PCDHGA10: variants seen among roughly 807,000 people sequenced by gnomAD.
PCDHGA10 encodes protocadherin gamma-A10.
A neutral mutation model predicts 59.5 loss-of-function variants in PCDHGA10; 42 were observed. The observed-to-expected ratio is 0.71, with a 90% CI of 0.55 to 0.91. The LOEUF is 0.91. Among genes scored for constraint, PCDHGA10 ranks in the 40% least tolerant of loss-of-function variants. PCDHGA10 has a pLI of 0.00. For synonymous variants in PCDHGA10, 511 were observed against 517.2 expected, an observed-to-expected ratio of 0.99 and a Z score of 0.16; for missense variants, 1,111 against 1,198.2, an observed-to-expected ratio of 0.93 and a Z score of 1.07.
At chr5:141,420,094 G>A in intron 1 of PCDHGA10, 7 of 1,614,058 alleles carry the variant, frequency 4.3e-6, no homozygotes, top group Non-Finnish European at 5.9e-6. Flanking sequence ...ACTACAGTGA[G>A]GGAACGTTGC....
At chr5:141,429,091 T>A (rs985605582) in intron 1 of PCDHGA10, 2 of 152,160 alleles carry the variant, frequency 1.3e-5, no homozygotes, top group African/African-American at 4.8e-5. Flanking sequence ...CCTGACCTCG[T>A]GATCTGCCCG....
At chr5:141,448,200 T>C (rs2098574351) in intron 1 of PCDHGA10, among the ~76,000 whole-genome samples, 1 of 152,156 alleles carries the variant, frequency 6.6e-6, no homozygotes, top group Non-Finnish European at 1.5e-5. Context: ...CTTACAAACA[T>C]TTTCTGTGTG....
intron 1 of PCDHGA10, among the ~76,000 whole-genome samples, chr5:141,459,095 G>A (rs61275874): frequency 0.28 from 42,440 of 152,066 alleles, 6,652 homozygotes; most frequent in African/African-American, 0.43. Context: ...ATTATACAGT[G>A]CAATGCATTT....
At chr5:141,471,637 T>C (rs1284100810) in intron 1 of PCDHGA10, 2 of 152,198 alleles carry the variant, frequency 1.3e-5, no homozygotes, top group Non-Finnish European at 2.9e-5. Context: ...TATGGATTAG[T>C]AATATACTGG....
chr5:141,489,174 C>A lies in PCDHGA10; in HGVS notation c.2437-5633C>A. On this transcript the variant is annotated intron_variant, in intron 1 of 3. Coordinates refer to ENST00000398610, the MANE Select transcript of PCDHGA10 (RefSeq NM_018913.3). The surrounding 1 kb of genome is among the most constrained non-coding windows in gnomAD (Gnocchi z 4.5). ...ATAAGAGACTTCAGCTGCTGCATTC[C>A]AAGCCCTGGGTCTACCTTGGAGACA... The A allele has an allele frequency of 8.2e-7, 1 of 1,224,772 alleles. No individual in the cohort carries two copies. 75.9% of individuals were successfully genotyped at this position (1,224,772 alleles called of 1,614,324 possible).
chr5:141,488,985 C>G lies in PCDHGA10; in HGVS notation c.2437-5822C>G, dbSNP rs574857958. On this transcript the variant is annotated intron_variant, in intron 1 of 3. Transcript: ENST00000398610. ...ACTTTTTGGCCAATCAGACTCAGAG[C>G]TGAGGTGGGAGATCTGCTCTTCCAG... The G allele has an allele frequency of 7.4e-6, 3 of 405,188 alleles. No homozygotes were observed. In the South Asian group the frequency reaches 2.4e-4, roughly 32 times the overall value. The allele number at this position is 405,188 out of a possible 1,614,324, so 25.1% of individuals were successfully genotyped here.
At chr5:141,465,779 G>A (rs1199779963) in intron 1 of PCDHGA10, among the ~76,000 whole-genome samples, 2 of 145,170 alleles carry the variant, frequency 1.4e-5, no homozygotes, top group African/African-American at 5.0e-5. Flanking sequence ...TCTTGTTACA[G>A]TTTTTTTTTT....
chr5:141,478,631 A>G (rs781339775), intron 1 of PCDHGA10: 1 of 1,553,196 alleles, frequency 6.4e-7, no homozygotes, highest in Non-Finnish European at 8.7e-7. Context: ...CTGTTTTTTT[A>G]GTGATGAAGA....
In PCDHGA10 at chr5:141,418,608, GC is replaced by G. The variant is rs1422456031; in HGVS notation, c.2436+2999del. On this transcript the variant is annotated intron_variant, in intron 1 of 3. Transcript: ENST00000398610. Reference sequence around the variant, plus strand: ...TTCAGCCAGGACGTGTACAGGGTTAGCCTTCGGGAAGACGTGCCTCCAGGCA... The same window carrying G: ...TTCAGCCAGGACGTGTACAGGGTTAGCTTCGGGAAGACGTGCCTCCAGGCA... 4 of 1,613,922 alleles carry G rather than the reference GC, an allele frequency of 2.5e-6. No individual in the cohort carries two copies. In the African/African-American group the frequency reaches 5.3e-5, roughly 22 times the overall value.
chr5:141,457,574 T>C (rs992522039), intron 1 of PCDHGA10, among the ~76,000 whole-genome samples: 2 of 152,238 alleles, frequency 1.3e-5, no homozygotes, highest in Non-Finnish European at 2.9e-5. Context: ...AAAATTTTTC[T>C]CTCCAGTCCT....
intron 1 of PCDHGA10, chr5:141,468,330 C>CAAAAAAAAA (rs533390277): frequency 1.3e-5 from 1 of 79,886 alleles, no homozygotes; most frequent in African/African-American, 3.9e-5. Context: ...AACTCCATCT[C>CAAAAAAAAA]AAAAAAAAAA....
Position 141,413,383 on chromosome 5 carries a change from A to G in PCDHGA10, c.208A>G (p.Ile70Val). Reference sequence around the variant, plus strand: ...GGAGCTGGCGGAGCGCGGAGTCCGCATAGTCTCCAGAGGTAGGACGCAGCT... The same window carrying G: ...GGAGCTGGCGGAGCGCGGAGTCCGCGTAGTCTCCAGAGGTAGGACGCAGCT... ...PRELAERGVR[I>V]VSRGRTQLFS... is the part of the protein sequence containing the mutation. The change falls in exon 1 of 4, where the codon ATA (isoleucine) becomes GTA (valine). Residue 70 changes from isoleucine to valine, a missense_variant. By Grantham distance (29) the Ile-to-Val change is conservative. Transcript: ENST00000398610. 6.2e-7 allele frequency: 1 copy of G among 1,613,998 alleles called. No individual in the cohort carries two copies. Among genetic ancestry groups the G allele is most frequent in the Non-Finnish European group, 8.5e-7 (1 of 1,179,906 alleles).
intron 1 of PCDHGA10, among the ~76,000 whole-genome samples, chr5:141,445,978 TTATAAA>T (rs551337386): frequency 6.6e-6 from 1 of 152,272 alleles, no homozygotes; most frequent in East Asian, 1.9e-4. Context: ...TTTATGAGGG[TTATAAA>T]TAGAAATAGG....
At chr5:141,423,499 G>T (rs1590485367) in intron 1 of PCDHGA10, 1 of 1,613,966 alleles carries the variant, frequency 6.2e-7, no homozygotes, top group Non-Finnish European at 8.5e-7. Context: ...TTCCCACGAG[G>T]TCTCTCTCAT....
At chr5:141,497,500 T>G (rs1468175808) in intron 2 of PCDHGA10, among the ~76,000 whole-genome samples, 2 of 151,562 alleles carry the variant, frequency 1.3e-5, no homozygotes, top group Non-Finnish European at 2.9e-5. Context: ...CTCTCTCCTC[T>G]CTCTGCTTCC....
Position 141,431,789 on chromosome 5 carries a change from G to A in PCDHGA10, c.2436+16178G>A, listed in dbSNP as rs760507500. On this transcript the variant is annotated intron_variant, in intron 1 of 3. Coordinates refer to ENST00000398610, the MANE Select transcript of PCDHGA10 (RefSeq NM_018913.3). This position sits in a 1 kb window ranked among gnomAD's most constrained non-coding sequence, Gnocchi z 4.8. ...CACTGTTCTGGACGTGAACGACAATGCCCCAGAAGTGGTCCTCACCTCTCT... is the reference window on the plus strand; with the variant it reads ...CACTGTTCTGGACGTGAACGACAATACCCCAGAAGTGGTCCTCACCTCTCT... 7.4e-6 allele frequency: 12 copies of A among 1,614,096 alleles called. No homozygotes were observed. The highest frequency in any genetic ancestry group is 5.9e-6 in the Non-Finnish European group (7 of 1,180,042).
chr5:141,447,885 A>T (rs2098554278), intron 1 of PCDHGA10, among the ~76,000 whole-genome samples: 1 of 152,134 alleles, frequency 6.6e-6, no homozygotes, highest in Admixed American at 6.6e-5. Context: ...CAGGAGTTCG[A>T]GACCAGCCTG....
chr5:141,505,405 C>T lies in PCDHGA10; in HGVS notation c.2508C>T (p.Gly836=), dbSNP rs745516568. 2.5e-6 allele frequency: 4 copies of T among 1,614,130 alleles called. No individual in the cohort carries two copies. The highest frequency in any genetic ancestry group is 3.3e-4 in the Middle Eastern group (2 of 6,062). ...QRPGTSGSQN[G]DDTGTWPNNQ... ...ACTCTCTCCCCAGCTCCCAAAATGG[C>T]GATGACACCGGCACCTGGCCCAACA... Residue 836 remains glycine (G), a synonymous_variant, in exon 3 of 4, where the codon GGC becomes GGT. Transcript: ENST00000398610.
rs746311453 is a variant in PCDHGA10 at position 141,428,229 on chromosome 5, C to T, written c.2436+12618C>T. On this transcript the variant is annotated intron_variant, in intron 1 of 3. Coordinates refer to ENST00000398610, the MANE Select transcript of PCDHGA10 (RefSeq NM_018913.3). ...CGCTTCACCTAGTCTTCGCAGACAGCCTGCAGGAGGCACTGCCAGACTTCA... is the reference window on the plus strand; with the variant it reads ...CGCTTCACCTAGTCTTCGCAGACAGTCTGCAGGAGGCACTGCCAGACTTCA... 3 of 1,098,554 alleles carry T rather than the reference C, an allele frequency of 2.7e-6. No homozygotes were observed. In the South Asian group the frequency reaches 3.9e-5, roughly 14 times the overall value. The allele number at this position is 1,098,554 out of a possible 1,614,324, so 68.1% of individuals were successfully genotyped here.
Sources: gnomAD v4.1 joint callset for allele counts (sites outside exome capture counted in the v4.1 genomes callset) on GRCh38, gnomAD v4.1.1 for gene constraint, Gnocchi (gnomAD v3.1) non-coding constraint, MANE v1.5 for transcripts, NCBI Gene and HGNC (gene_info 2026-07-23, HGNC 2026-07-21) for gene names.